PTCD3: variants seen among roughly 807,000 people sequenced by gnomAD.
PTCD3 encodes pentatricopeptide repeat domain 3.
A neutral mutation model predicts 101.9 loss-of-function variants in PTCD3; 89 were observed. The observed-to-expected ratio is 0.87, with a 90% confidence interval of 0.74 to 1.04. The LOEUF is 1.04. Ranked by LOEUF, PTCD3 falls within the 50% of genes least tolerant of loss-of-function variation. The pLI, the probability that PTCD3 is intolerant of heterozygous loss-of-function variation, is 0.00. For missense variants in PTCD3, 870 were observed against 828.2 expected (o/e 1.05, Z -0.62); for synonymous variants, 296 against 278.5 (o/e 1.06, Z -0.63).
intron 22 of PTCD3, 164 bp downstream of exon 22, chr2:86,136,726 T>C: frequency 1.1e-6 from 1 of 878,836 alleles, no homozygotes; most frequent in Non-Finnish European, 1.8e-6. Flanking sequence ...GTTTTTTATC[T>C]GTGTTGACGG....
At chr2:86,116,728 CT>C in intron 5 of PTCD3, 130 bp downstream of exon 5, 1 of 705,440 alleles carries the variant, frequency 1.4e-6, no homozygotes. Flanking sequence ...TATGTGAATC[CT>C]TTACTACTTT....
At chr2:86,128,153 G>A (rs1292756950) in intron 14 of PTCD3, among the ~76,000 whole-genome samples, 162 bp downstream of exon 14, 1 of 152,072 alleles carries the variant, frequency 6.6e-6, no homozygotes, top group Non-Finnish European at 1.5e-5. Flanking sequence ...GGTTTTTTTA[G>A]ATACAGGATC....
Position 86,139,888 on chromosome 2 carries a change from G to T in PTCD3, c.*2329G>T, listed in dbSNP as rs930884107. 3.3e-5 allele frequency: 5 copies of T among 152,158 alleles called. No individual in the cohort carries two copies. Among genetic ancestry groups the T allele is most frequent in the African/African-American group, 1.2e-4 (5 of 41,440 alleles). 9.4% of individuals were successfully genotyped at this position (152,158 alleles called of 1,614,324 possible). A position where few individuals can be genotyped will look rare whatever the true frequency, so the allele number is the denominator to read the frequency against. On this transcript the variant is annotated 3_prime_UTR_variant, in exon 24 of 24. Coordinates refer to ENST00000254630, the MANE Select transcript of PTCD3 (RefSeq NM_017952.6). The stretch of plus-strand genomic sequence containing the variant: ...ACTATATGTGGAATAAACTTGCTCA[G>T]TGTTGCCACAGAGTTACATTACCAA...
chr2:86,128,239 A>G (rs1297804718), intron 14 of PTCD3, among the ~76,000 whole-genome samples: 3 of 149,596 alleles, frequency 2.0e-5, no homozygotes, highest in Non-Finnish European at 3.0e-5. Context: ...AGGATTACAG[A>G]TGCCCACCAG....
In PTCD3 at chr2:86,118,753, T is replaced by G. The variant is rs17026943; in HGVS notation, c.415-168T>G. On this transcript the variant is annotated intron_variant, in intron 6 of 23. Transcript: ENST00000254630. ...AGATGAAAGGTTTAGTTCAATTCCC[T>G]GTGAAGACAGTGATGTTAAAATGAT... Among the ~76,000 whole-genome samples, 1,030 of 152,360 alleles carry G rather than the reference T, an allele frequency of 6.8e-3. 13 individuals carry two copies. The highest frequency in any genetic ancestry group is 0.023 in the African/African-American group (955 of 41,578).
intron 1 of PTCD3, among the ~76,000 whole-genome samples, chr2:86,107,486 G>A (rs1208627002): frequency 6.6e-6 from 1 of 152,170 alleles, no homozygotes; most frequent in Non-Finnish European, 1.5e-5. Context: ...TGTTACTGAT[G>A]CCATTTAGTA....
At chr2:86,120,576 A>G (rs1313981108) in intron 7 of PTCD3, among the ~76,000 whole-genome samples, 5 of 152,076 alleles carry the variant, frequency 3.3e-5, no homozygotes, top group African/African-American at 1.2e-4. Flanking sequence ...GGCATTTTAA[A>G]TTTATCAATG....
chr2:86,133,311 G>C, intron 18 of PTCD3, 35 bp from the exon 19 acceptor site: 14 of 1,612,720 alleles, frequency 8.7e-6, no homozygotes, highest in Non-Finnish European at 1.1e-5. Context: ...GGTTTCTGCA[G>C]ATTAATGCTT....
chr2:86,109,133 C>T (rs56104203), intron 3 of PTCD3, among the ~76,000 whole-genome samples: 11,854 of 152,202 alleles, frequency 0.078, 783 homozygotes, highest in East Asian at 0.23. Flanking sequence ...TCGCCAGGCG[C>T]GGTGGCTTAC....
At chr2:86,126,018 C>G (rs1295840035) in intron 12 of PTCD3, 138 bp downstream of exon 12, 4 of 549,122 alleles carry the variant, frequency 7.3e-6, no homozygotes, top group Non-Finnish European at 1.3e-5. Context: ...TCACCTGAGG[C>G]CAGGAGTTGG....
intron 6 of PTCD3, among the ~76,000 whole-genome samples, chr2:86,118,344 C>T (rs1027718447): frequency 2.6e-5 from 4 of 152,104 alleles, no homozygotes; most frequent in African/African-American, 4.8e-5. Flanking sequence ...GCGCCTCTGC[C>T]CTCCTGAGTT....
At chr2:86,134,755 AT>A in intron 20 of PTCD3, 83 bp from the exon 21 acceptor site, 1 of 1,478,004 alleles carries the variant, frequency 6.8e-7, no homozygotes, top group Non-Finnish European at 9.3e-7. Flanking sequence ...CATTGCTCAG[AT>A]TTTAAGGATC....
chr2:86,120,787 C>T (rs1674265630), intron 7 of PTCD3, among the ~76,000 whole-genome samples: 2 of 152,038 alleles, frequency 1.3e-5, no homozygotes, highest in East Asian at 1.9e-4. Flanking sequence ...CACAGCTGCT[C>T]GGAAGGCTGA....
chr2:86,123,013 A>C (rs1674318488), intron 8 of PTCD3, among the ~76,000 whole-genome samples: 1 of 152,134 alleles, frequency 6.6e-6, no homozygotes, highest in Middle Eastern at 3.2e-3. Flanking sequence ...TAATCCCAGC[A>C]CTTTGGGAGG....
chr2:86,116,168 G>A (rs1429833670), intron 4 of PTCD3, among the ~76,000 whole-genome samples: 1 of 152,118 alleles, frequency 6.6e-6, no homozygotes, highest in Non-Finnish European at 1.5e-5. Flanking sequence ...TGCGCATTTA[G>A]GTTACATACA....
At position 86,121,401 on chromosome 2, in the gene PTCD3, A is replaced by C. The variant is rs1674277714; in HGVS notation, c.539-78A>C. 13 of 887,580 alleles carry C rather than the reference A, an allele frequency of 1.5e-5. No individual in the cohort carries two copies. The South Asian group carries it at 2.2e-4, about 15-fold the overall frequency. 55.0% of individuals were successfully genotyped at this position (887,580 alleles called of 1,614,324 possible). On this transcript the variant is annotated intron_variant, in intron 7 of 23. Transcript: ENST00000254630. ...CTGAAGACCACCGCTAATATAAAAA[A>C]ATGACACATTTTAACCTAACAGGCT...
chr2:86,117,237 C>A, intron 6 of PTCD3, 78 bp downstream of exon 6: 1 of 619,250 alleles, frequency 1.6e-6, no homozygotes, highest in Non-Finnish European at 2.9e-6. Flanking sequence ...GCTAATATTT[C>A]AGTAGCTATT....
intron 17 of PTCD3, 81 bp downstream of exon 17, chr2:86,132,505 C>T: frequency 1.1e-6 from 1 of 941,064 alleles, no homozygotes; most frequent in Non-Finnish European, 1.7e-6. Context: ...CTTCATACCT[C>T]ACCTCTGGTT....
intron 4 of PTCD3, among the ~76,000 whole-genome samples, chr2:86,112,340 GC>G (rs1674104130): frequency 6.7e-6 from 1 of 149,336 alleles, no homozygotes; most frequent in Non-Finnish European, 1.5e-5. Context: ...ACAGATGTGA[GC>G]CACAGTGCCC....
Sources: gnomAD v4.1 joint callset for allele counts (sites outside exome capture counted in the v4.1 genomes callset) on GRCh38, gnomAD v4.1.1 for gene constraint, MANE v1.5 for transcripts, NCBI Gene and HGNC (gene_info 2026-07-23, HGNC 2026-07-21) for gene names.